The following ADCY2 variants were observed in gnomAD, a reference collection of about 807,000 sequenced individuals.
ADCY2 encodes adenylate cyclase type 2.
ADCY2 carries 31 observed loss-of-function variants against 125.2 expected under a neutral mutation model. The observed-to-expected ratio is 0.25, with a 90% CI of 0.19 to 0.33. ADCY2 has a LOEUF of 0.33. Ranked by LOEUF, ADCY2 falls within the 10% of genes least tolerant of loss-of-function variation. The pLI is 1.00. For synonymous variants in ADCY2, 512 were observed against 548.4 expected (o/e 0.93, Z 0.93); for missense variants, 904 against 1,418.2 (o/e 0.64, Z 5.82).
At chr5:7,485,938 A>G (rs1742908792) in intron 2 of ADCY2, among the ~76,000 whole-genome samples, 1 of 152,176 alleles carries the variant, frequency 6.6e-6, no homozygotes, top group Non-Finnish European at 1.5e-5. Context: ...AGTCCCCCTC[A>G]TTTGAATCTT....
intron 2 of ADCY2, among the ~76,000 whole-genome samples, chr5:7,425,374 T>C (rs553202437): frequency 6.6e-6 from 1 of 152,336 alleles, no homozygotes; most frequent in East Asian, 1.9e-4. Flanking sequence ...TACTCGAGCA[T>C]TAAGTCTTGG....
chr5:7,636,378 G>T (rs561170494), intron 4 of ADCY2, among the ~76,000 whole-genome samples: 25 of 152,348 alleles, frequency 1.6e-4, no homozygotes, highest in Middle Eastern at 3.4e-3. Flanking sequence ...GAACAAGCAG[G>T]CACATGCCCT....
At chr5:7,689,548 G>T (rs1031759508) in intron 4 of ADCY2, among the ~76,000 whole-genome samples, 1 of 152,080 alleles carries the variant, frequency 6.6e-6, no homozygotes, top group East Asian at 1.9e-4. Flanking sequence ...GGGGAGAAAG[G>T]ATCATCAGAA....
chr5:7,679,532 T>C (rs1485974239), intron 4 of ADCY2, among the ~76,000 whole-genome samples: 1 of 152,118 alleles, frequency 6.6e-6, no homozygotes, highest in East Asian at 1.9e-4. Flanking sequence ...GGTGATTCTC[T>C]AGGTGACAGA....
At chr5:7,578,934 G>A (rs762167529) in intron 3 of ADCY2, among the ~76,000 whole-genome samples, 4 of 152,156 alleles carry the variant, frequency 2.6e-5, no homozygotes, top group African/African-American at 9.7e-5. Flanking sequence ...TAGGACTAGG[G>A]CAAACAGAGA....
chr5:7,663,476 A>G lies in ADCY2; in HGVS notation c.721-27215A>G, dbSNP rs568802232. Among the ~76,000 whole-genome samples the G allele has an allele frequency of 3.3e-5, 5 of 152,296 alleles. No individual in the cohort carries two copies. In the South Asian group the frequency reaches 1.0e-3, roughly 32 times the overall value. On this transcript the variant is annotated intron_variant, in intron 4 of 24. Transcript: ENST00000338316. Reference sequence around the variant, plus strand: ...CCCAAGCCTCAGTGCCCACCAACAGACCTCAGGACTGTGCACTGTAACTGA... The same window carrying G: ...CCCAAGCCTCAGTGCCCACCAACAGGCCTCAGGACTGTGCACTGTAACTGA...
rs536842475 is a variant in ADCY2, at chr5:7,773,189, G to A, written c.2384+88G>A. ...GTGTGTTGAGTAAATGCAAGTTAGC[G>A]ATGTCATTGTCATTGATAAATCATT... On this transcript the variant is annotated intron_variant, in intron 18 of 24. Coordinates refer to ENST00000338316, the MANE Select transcript of ADCY2 (RefSeq NM_020546.3). 297 of 1,318,476 alleles carry A rather than the reference G, an allele frequency of 2.3e-4. 1 individual carries two copies. The highest frequency in any genetic ancestry group is 2.8e-4 in the Non-Finnish European group (266 of 957,144). 81.7% of individuals were successfully genotyped at this position (1,318,476 alleles called of 1,614,324 possible).
intron 4 of ADCY2, among the ~76,000 whole-genome samples, chr5:7,646,052 G>C (rs1388164162): frequency 1.3e-5 from 2 of 152,038 alleles, no homozygotes; most frequent in Admixed American, 6.6e-5. Flanking sequence ...ATCTATTATG[G>C]CATGGCATTT....
intron 2 of ADCY2, among the ~76,000 whole-genome samples, chr5:7,427,985 A>G (rs935095522): frequency 3.9e-5 from 6 of 152,180 alleles, no homozygotes; most frequent in African/African-American, 1.4e-4. Flanking sequence ...GCATTTCAGA[A>G]CAACAACTAC....
intron 5 of ADCY2, 116 bp from the exon 6 acceptor site, chr5:7,695,636 A>G (rs1246740259): frequency 1.9e-6 from 1 of 522,542 alleles, no homozygotes; most frequent in Non-Finnish European, 3.3e-6. Flanking sequence ...CCTCTTACTC[A>G]TGAAAATATA....
intron 3 of ADCY2, among the ~76,000 whole-genome samples, chr5:7,544,838 A>G (rs116307551): frequency 0.013 from 1,984 of 152,254 alleles, 45 homozygotes; most frequent in African/African-American, 0.045. Flanking sequence ...AATCATGCAG[A>G]AATAAAAAAG....
At chr5:7,580,545 CA>C (rs1161192358) in intron 3 of ADCY2, among the ~76,000 whole-genome samples, 1 of 151,912 alleles carries the variant, frequency 6.6e-6, no homozygotes, top group African/African-American at 2.4e-5. Context: ...ATCTGAAGAA[CA>C]GGGAGAAAAA....
At chr5:7,563,435 G>C (rs1735788738) in intron 3 of ADCY2, among the ~76,000 whole-genome samples, 1 of 152,136 alleles carries the variant, frequency 6.6e-6, no homozygotes, top group Non-Finnish European at 1.5e-5. Flanking sequence ...CTGGAGACTT[G>C]GGCTATGAAG....
intron 2 of ADCY2, among the ~76,000 whole-genome samples, chr5:7,439,273 G>A (rs879602800): frequency 1.3e-5 from 2 of 152,174 alleles, no homozygotes; most frequent in Non-Finnish European, 2.9e-5. Flanking sequence ...GGCTGGGCAG[G>A]CCTCACAATC....
intron 4 of ADCY2, among the ~76,000 whole-genome samples, chr5:7,633,638 A>C (rs573340366): frequency 6.6e-6 from 1 of 152,240 alleles, no homozygotes; most frequent in South Asian, 2.1e-4. Context: ...CTTGAGCAAG[A>C]CCTCCTGCTC....
chr5:7,714,695 C>T (rs961790700), intron 11 of ADCY2, among the ~76,000 whole-genome samples: 1 of 152,230 alleles, frequency 6.6e-6, no homozygotes. Flanking sequence ...ATATTTATTC[C>T]ATTTGTCTCT....
At chr5:7,636,705 G>A (rs1046282132) in intron 4 of ADCY2, among the ~76,000 whole-genome samples, 1 of 152,220 alleles carries the variant, frequency 6.6e-6, no homozygotes, top group Admixed American at 6.5e-5. Flanking sequence ...TTCAATAGAA[G>A]CCAAGAGAAG....
chr5:7,498,247 T>C (rs944631033), intron 2 of ADCY2, among the ~76,000 whole-genome samples: 2 of 135,320 alleles, frequency 1.5e-5, no homozygotes, highest in African/African-American at 5.8e-5. Flanking sequence ...TCGTTTTTTT[T>C]TTTTTTTTTT....
At chr5:7,745,000 G>A (rs1051450182) in intron 15 of ADCY2, among the ~76,000 whole-genome samples, 3 of 152,320 alleles carry the variant, frequency 2.0e-5, no homozygotes, top group East Asian at 3.9e-4. Context: ...CCTCTCAGGA[G>A]TATTGTGGCT....
Sources: allele counts gnomAD v4.1 joint callset (sites outside exome capture counted in the v4.1 genomes callset), GRCh38; gene constraint gnomAD v4.1.1; transcripts MANE v1.5; gene names NCBI Gene and HGNC (gene_info 2026-07-23, HGNC 2026-07-21).